DLG2: variants seen among roughly 807,000 people sequenced by gnomAD.
DLG2 encodes discs large MAGUK scaffold protein 2.
In DLG2, 45 loss-of-function variants were observed where a neutral mutation model predicts 132.5. The observed-to-expected ratio is 0.34, with a 90% confidence interval of 0.27 to 0.44. DLG2 has a LOEUF of 0.44. Ranked by LOEUF, DLG2 falls within the 20% of genes least tolerant of loss-of-function variation. The pLI is 1.00. For synonymous variants in DLG2, 424 were observed against 419.6 expected, an observed-to-expected ratio of 1.01 and a Z score of -0.13; for missense variants, 1,045 against 1,196.9, an observed-to-expected ratio of 0.87 and a Z score of 1.87.
chr11:84,723,760 G>C (rs2062090520), intron 6 of DLG2, among the ~76,000 whole-genome samples: 1 of 152,044 alleles, frequency 6.6e-6, no homozygotes, highest in South Asian at 2.1e-4. Context: ...CATTTTTATA[G>C]TCAAAATAAC....
intron 6 of DLG2, among the ~76,000 whole-genome samples, chr11:84,881,229 G>C (rs1019175414): frequency 2.0e-5 from 3 of 152,072 alleles, no homozygotes; most frequent in East Asian, 1.9e-4. Context: ...CCTGATAACA[G>C]GTTATAAGAT....
At chr11:85,320,973 T>C (rs566029987) in intron 3 of DLG2, among the ~76,000 whole-genome samples, 1 of 151,864 alleles carries the variant, frequency 6.6e-6, no homozygotes, top group African/African-American at 2.4e-5. Flanking sequence ...CTAACTTCCA[T>C]TTTAAAGTGT....
At chr11:83,953,941 A>G (rs934634838) in intron 14 of DLG2, among the ~76,000 whole-genome samples, 1 of 152,236 alleles carries the variant, frequency 6.6e-6, no homozygotes, top group African/African-American at 2.4e-5. Flanking sequence ...CTAAAGAATG[A>G]AAGCAAGGAT....
At chr11:84,228,358 T>C (rs2097038027) in intron 8 of DLG2, among the ~76,000 whole-genome samples, 1 of 152,216 alleles carries the variant, frequency 6.6e-6, no homozygotes, top group African/African-American at 2.4e-5. Flanking sequence ...TGGATCTCAT[T>C]GGCACTTATT....
chr11:83,992,389 G>C (rs1049856374), intron 11 of DLG2, among the ~76,000 whole-genome samples: 1 of 152,080 alleles, frequency 6.6e-6, no homozygotes, highest in Admixed American at 6.6e-5. Context: ...TTGGGCTAGA[G>C]GGGGTAGTGT....
At chr11:84,281,786 G>C (rs1040341897) in intron 7 of DLG2, among the ~76,000 whole-genome samples, 5 of 152,124 alleles carry the variant, frequency 3.3e-5, no homozygotes, top group African/African-American at 1.2e-4. Flanking sequence ...TGACTTGTTA[G>C]AGAAATGAAA....
At position 84,852,116 on chromosome 11, in the gene DLG2, G is replaced by T. The variant is rs189866801; in HGVS notation, c.357+259545C>A. ...GGATCAATGGGTGAGCCTACCTGCA[G>T]GAAATCTGCAGCTATAGCTGCTTCT... On this transcript the variant is annotated intron_variant, in intron 6 of 27. Coordinates refer to ENST00000376104, the MANE Select transcript of DLG2 (RefSeq NM_001142699.3). 2.6e-3 allele frequency among the ~76,000 whole-genome samples: 391 copies of T among 152,106 alleles called. 2 individuals are homozygous for T. The highest frequency in any genetic ancestry group is 9.2e-3 in the African/African-American group (381 of 41,532).
At chr11:85,241,590 C>T (rs74618720) in intron 4 of DLG2, among the ~76,000 whole-genome samples, 2,544 of 152,006 alleles carry the variant, frequency 0.017, 32 homozygotes, top group Non-Finnish European at 0.026. Flanking sequence ...GATGATTTGG[C>T]TGGATATAAA....
intron 3 of DLG2, among the ~76,000 whole-genome samples, chr11:85,509,480 C>T (rs762105321): frequency 2.6e-5 from 4 of 151,952 alleles, no homozygotes; most frequent in Non-Finnish European, 4.4e-5. Flanking sequence ...GCAACCAGGA[C>T]GGTGGAGGGC....
chr11:84,329,338 G>A (rs1567307290), intron 7 of DLG2, among the ~76,000 whole-genome samples: 1 of 152,128 alleles, frequency 6.6e-6, no homozygotes, highest in African/African-American at 2.4e-5. Flanking sequence ...ATCTTGAATT[G>A]TAGTTCCCAT....
chr11:84,187,580 C>T (rs1339406383), intron 8 of DLG2, among the ~76,000 whole-genome samples: 3 of 151,992 alleles, frequency 2.0e-5, no homozygotes, highest in African/African-American at 7.2e-5. Context: ...ATTTTACACA[C>T]AAGAACCCAT....
At chr11:83,465,008 T>C (rs1482996026) in intron 26 of DLG2, among the ~76,000 whole-genome samples, 1 of 152,206 alleles carries the variant, frequency 6.6e-6, no homozygotes, top group African/African-American at 2.4e-5. Flanking sequence ...CCCGACATAG[T>C]ATCCTATACA....
intron 19 of DLG2, among the ~76,000 whole-genome samples, chr11:83,590,822 TCACAGAAA>T (rs1555223071): frequency 6.6e-6 from 1 of 151,662 alleles, no homozygotes; most frequent in Non-Finnish European, 1.5e-5. Context: ...ACCACCGATC[TCACAGAAA>T]TACAAACTAC....
intron 6 of DLG2, among the ~76,000 whole-genome samples, chr11:85,020,270 G>C (rs1349058798): frequency 6.6e-6 from 1 of 152,154 alleles, no homozygotes; most frequent in Non-Finnish European, 1.5e-5. Flanking sequence ...GTCTTCTTTT[G>C]AGAAGTGTCT....
rs138334040 is a variant in DLG2, at chr11:83,520,251, A to C, written c.2193+12457T>G. ...GTAATAAATTTGAGACAGTAATTGGAAAAGTTCTCACTTTGTAGTTGTGTC... is the reference window on the plus strand; with the variant it reads ...GTAATAAATTTGAGACAGTAATTGGCAAAGTTCTCACTTTGTAGTTGTGTC... On this transcript the variant is annotated intron_variant, in intron 21 of 27. Coordinates refer to ENST00000376104, the MANE Select transcript of DLG2 (RefSeq NM_001142699.3). Among the ~76,000 whole-genome samples the C allele has an allele frequency of 2.7e-3, 407 of 152,312 alleles. 6 individuals are homozygous for C. Among genetic ancestry groups the C allele is most frequent in the African/African-American group, 9.2e-3 (384 of 41,576 alleles).
intron 8 of DLG2, among the ~76,000 whole-genome samples, chr11:84,197,574 T>C (rs2096538557): frequency 1.3e-5 from 2 of 152,168 alleles, no homozygotes; most frequent in Admixed American, 1.3e-4. Flanking sequence ...ACAATTAAAA[T>C]TTTTACAAAG....
chr11:84,268,046 C>G (rs2097665956), intron 7 of DLG2, among the ~76,000 whole-genome samples: 1 of 152,188 alleles, frequency 6.6e-6, no homozygotes, highest in Non-Finnish European at 1.5e-5. Flanking sequence ...CTGTAATGCT[C>G]AAAGTGTTAG....
chr11:83,738,084 A>G (rs1327215651), intron 18 of DLG2, among the ~76,000 whole-genome samples: 1 of 152,190 alleles, frequency 6.6e-6, no homozygotes, highest in Admixed American at 6.5e-5. Flanking sequence ...GATGATGCCA[A>G]TTCTCTTCCT....
At chr11:84,078,022 T>C (rs1047081121) in intron 10 of DLG2, among the ~76,000 whole-genome samples, 4 of 152,192 alleles carry the variant, frequency 2.6e-5, no homozygotes, top group African/African-American at 7.2e-5. Context: ...ATTAGTGTTA[T>C]GCAATTTATC....
Sources: gnomAD v4.1 joint callset for allele counts (sites outside exome capture counted in the v4.1 genomes callset) on GRCh38, gnomAD v4.1.1 for gene constraint, MANE v1.5 for transcripts, NCBI Gene and HGNC (gene_info 2026-07-23, HGNC 2026-07-21) for gene names.